The following FGFRL1 variants were observed in gnomAD, a reference collection of about 807,000 sequenced individuals.
FGFRL1 encodes the protein fibroblast growth factor receptor like 1.
In FGFRL1, 24 loss-of-function variants were observed where a neutral mutation model predicts 36.8. That is an observed-to-expected ratio of 0.65 (90% CI 0.47 to 0.92). The LOEUF (loss-of-function observed/expected upper bound fraction) is 0.92, where lower values mean the gene tolerates loss of function less well. Ranked by LOEUF, FGFRL1 falls within the 40% of genes least tolerant of loss-of-function variation. FGFRL1 has a pLI of 0.00. For missense variants in FGFRL1, 785 were observed against 753.4 expected (o/e 1.04, Z -0.49); for synonymous variants, 422 against 344.1 (o/e 1.23, Z -2.50).
intron 2 of FGFRL1, among the ~76,000 whole-genome samples, chr4:1,013,438 C>G (rs1239481992): frequency 6.6e-6 from 1 of 152,256 alleles, no homozygotes; most frequent in Non-Finnish European, 1.5e-5. Flanking sequence ...CCCTGCCGCC[C>G]AGCAAGCGCG....
chr4:1,020,143 G>A (rs778749844), intron 2 of FGFRL1, among the ~76,000 whole-genome samples: 11 of 152,236 alleles, frequency 7.2e-5, no homozygotes, highest in Non-Finnish European at 1.5e-4. Context: ...AGTGGGAGAC[G>A]TCACAGGGCC....
upstream of FGFRL1, chr4:1,011,215 G>T (rs924793907): frequency 6.6e-6 from 1 of 152,268 alleles, no homozygotes; most frequent in Non-Finnish European, 1.5e-5. Context: ...TCAGACTGCC[G>T]CGGGCAGGGC....
chr4:1,013,651 G>T (rs1055524026), intron 2 of FGFRL1, among the ~76,000 whole-genome samples: 1 of 152,272 alleles, frequency 6.6e-6, no homozygotes, highest in Admixed American at 6.5e-5. Context: ...ATGGCCAGCG[G>T]CCTGGACTTG....
rs1716515586 is a variant in FGFRL1, at chr4:1,026,104, A to C, written c.*757A>C. 1 of 155,324 alleles carries C rather than the reference A, an allele frequency of 6.4e-6. No homozygotes were observed. Among genetic ancestry groups the C allele is most frequent in the African/African-American group, 2.4e-5 (1 of 41,272 alleles). The allele number at this position is 155,324 out of a possible 1,614,324, so 9.6% of individuals were successfully genotyped here. A position where few individuals can be genotyped will look rare whatever the true frequency, so the allele number is the denominator to read the frequency against. On this transcript the variant is annotated 3_prime_UTR_variant, in exon 7 of 7. Transcript: ENST00000510644. ...GCACGCAGATATGCTGCCTGGACAC[A>C]CACACAGATAATGCTGCCTCAACAC...
chr4:1,010,725 C>T (rs1486331488), upstream of FGFRL1, among the ~76,000 whole-genome samples: 2 of 152,064 alleles, frequency 1.3e-5, no homozygotes, highest in African/African-American at 4.8e-5. Flanking sequence ...GAGGTGCGGC[C>T]TGGGAGCCCT....
Position 1,022,427 on chromosome 4 carries a change from A to G in FGFRL1, c.304A>G (p.Thr102Ala), listed in dbSNP as rs1716240836. 6.2e-7 allele frequency: 1 copy of G among 1,610,792 alleles called. No individual in the cohort carries two copies. The highest frequency in any genetic ancestry group is 8.5e-7 in the Non-Finnish European group (1 of 1,178,838). The stretch of plus-strand genomic sequence containing the variant: ...TGCCGGCGTGTACGTGTGCAAGGCC[A>G]CCAACGGCTTCGGCAGCCTGAGCGT... ...EDAGVYVCKA[T>A]NGFGSLSVNY... Residue 102 changes from threonine to alanine, a missense_variant, in exon 3 of 7, where the codon ACC (threonine) becomes GCC (alanine). Physicochemically the swap from Thr to Ala is moderately conservative, Grantham distance 58 (BLOSUM62 0). Coordinates refer to ENST00000510644, the MANE Select transcript of FGFRL1 (RefSeq NM_001004356.3).
chr4:1,020,181 G>A (rs1022618787), intron 2 of FGFRL1, among the ~76,000 whole-genome samples: 1 of 152,178 alleles, frequency 6.6e-6, no homozygotes, highest in African/African-American at 2.4e-5. Context: ...GGAGGAACAC[G>A]CGGCCCCAGG....
In FGFRL1 at chr4:1,025,428, AG is replaced by A; in HGVS notation, c.*83del. 6.8e-7 allele frequency: 1 copy of A among 1,477,312 alleles called. No homozygotes were observed. 91.5% of individuals were successfully genotyped at this position (1,477,312 alleles called of 1,614,324 possible). ...GGATGGAGGACGGAGCTGCAGACGA[AG>A]GCAGGGGACCCATGGCGAGGAGGAA... On this transcript the variant is annotated 3_prime_UTR_variant, in exon 7 of 7. Transcript: ENST00000510644.
intron 2 of FGFRL1, among the ~76,000 whole-genome samples, chr4:1,019,598 C>A (rs1274142924): frequency 6.6e-6 from 1 of 152,198 alleles, no homozygotes; most frequent in Non-Finnish European, 1.5e-5. Context: ...GCAGCCGCTT[C>A]CTCCCCGGGA....
chr4:1,011,490 C>T (rs1332175363), upstream of FGFRL1, among the ~76,000 whole-genome samples: 3 of 107,300 alleles, frequency 2.8e-5, no homozygotes, highest in Non-Finnish European at 5.8e-5. Flanking sequence ...CCCGGCGGGG[C>T]GGGGGCGGTG....
At position 1,026,818 on chromosome 4, in the gene FGFRL1, G is replaced by C. The variant is rs1005500135; in HGVS notation, c.*1471G>C. On this transcript the variant is annotated 3_prime_UTR_variant, in exon 7 of 7. Transcript: ENST00000510644. ...ACTGTCGTGGTGGCCCCAGATCTCT[G>C]TAATTTTATGTAGAGTTTGAGCTGA... is the stretch of plus-strand genomic sequence containing the variant. 1 of 455,376 alleles carries C rather than the reference G, an allele frequency of 2.2e-6. No homozygotes were observed. Among genetic ancestry groups the C allele is most frequent in the Non-Finnish European group, 4.4e-6 (1 of 226,382 alleles). The allele number at this position is 455,376 out of a possible 1,614,324, so 28.2% of individuals were successfully genotyped here.
At position 1,026,690 on chromosome 4, in the gene FGFRL1, G is replaced by T; in HGVS notation, c.*1343G>T. 3.0e-6 allele frequency: 1 copy of T among 336,032 alleles called. No individual in the cohort carries two copies. The highest frequency in any genetic ancestry group is 2.3e-5 in the South Asian group (1 of 43,148). The allele number at this position is 336,032 out of a possible 1,614,324, so 20.8% of individuals were successfully genotyped here. On this transcript the variant is annotated 3_prime_UTR_variant, in exon 7 of 7. Coordinates refer to ENST00000510644, the MANE Select transcript of FGFRL1 (RefSeq NM_001004356.3). ...TATTAATAATGATGGAAGGAAGACT[G>T]GGTTGCAGGGACTGTGGTCTCTCCT...
chr4:1,012,010 G>A (rs1448129471), intron 1 of FGFRL1, 56 bp downstream of exon 1: 3 of 146,382 alleles, frequency 2.0e-5, no homozygotes, highest in African/African-American at 4.9e-5. Flanking sequence ...GGGAGGGCGG[G>A]GGTCCGGGGC....
intron 2 of FGFRL1, among the ~76,000 whole-genome samples, chr4:1,021,576 G>T (rs1056695777): frequency 1.3e-5 from 2 of 152,172 alleles, no homozygotes; most frequent in Admixed American, 1.3e-4. Flanking sequence ...CACAGACGTG[G>T]GTGCTGCACA....
chr4:1,013,561 C>G (rs1329736132), intron 2 of FGFRL1, among the ~76,000 whole-genome samples: 1 of 152,264 alleles, frequency 6.6e-6, no homozygotes, highest in East Asian at 1.9e-4. Flanking sequence ...CCACATGGGC[C>G]TGGCTGAGCG....
rs1373840620 is a variant in FGFRL1 at position 1,023,787 on chromosome 4, C to T, written c.434-30C>T. The T allele has an allele frequency of 3.2e-6, 5 of 1,564,302 alleles. No homozygotes were observed. In the East Asian group the frequency reaches 1.2e-4, roughly 36 times the overall value. On this transcript the variant is annotated intron_variant, in intron 4 of 6. Coordinates refer to ENST00000510644, the MANE Select transcript of FGFRL1 (RefSeq NM_001004356.3). The surrounding 1 kb of genome is among the most constrained non-coding windows in gnomAD (Gnocchi z 6.0). ...CCGGCCCCTTGGCTGCATCCCCGTC[C>T]TCTGACCTCCACGCCACCCCACCCC... is the stretch of plus-strand genomic sequence containing the variant.
In FGFRL1 at chr4:1,011,635, A is replaced by C. The variant is rs1715586943; in HGVS notation, c.-336A>C. ...CGGCGCTCGCTCCGGGAGAGTTGAC[A>C]AAGCCCCGCAGGGAAGGACGCCTCG... On this transcript the variant is annotated 5_prime_UTR_variant, in exon 1 of 7. Coordinates refer to ENST00000510644, the MANE Select transcript of FGFRL1 (RefSeq NM_001004356.3). Among the ~76,000 whole-genome samples the C allele has an allele frequency of 7.3e-6, 1 of 137,026 alleles. No homozygotes were observed. The highest frequency in any genetic ancestry group is 2.6e-4 in the South Asian group (1 of 3,822). The allele number at this position is 137,026 out of a possible 152,430, so 89.9% of individuals were successfully genotyped here. A position where few individuals can be genotyped will look rare whatever the true frequency, so the allele number is the denominator to read the frequency against.
rs1716570568 is a variant in FGFRL1 at position 1,026,895 on chromosome 4, T to G, written c.*1548T>G. 2.2e-6 allele frequency: 1 copy of G among 447,434 alleles called. No homozygotes were observed. 27.7% of individuals were successfully genotyped at this position (447,434 alleles called of 1,614,324 possible). A position where few individuals can be genotyped will look rare whatever the true frequency, so the allele number is the denominator to read the frequency against. ...TAAACATGAAAGTGCATCCTTTCCC[T>G]CCAGGCTGGTGTTTCTGCCCATGTC... is the stretch of plus-strand genomic sequence containing the variant. On this transcript the variant is annotated 3_prime_UTR_variant, in exon 7 of 7. Transcript: ENST00000510644.
chr4:1,025,548 A>T lies in FGFRL1; in HGVS notation c.*201A>T. The T allele has an allele frequency of 1.5e-6, 1 of 663,634 alleles. No homozygotes were observed. The highest frequency in any genetic ancestry group is 2.5e-6 in the Non-Finnish European group (1 of 395,798). 41.1% of individuals were successfully genotyped at this position (663,634 alleles called of 1,614,324 possible). A position where few individuals can be genotyped will look rare whatever the true frequency, so the allele number is the denominator to read the frequency against. ...TGCCTGGATGCATGTATGCACACAC[A>T]TGCGCGCACACGTGCTCCCTGAAGG... is the stretch of plus-strand genomic sequence containing the variant. On this transcript the variant is annotated 3_prime_UTR_variant, in exon 7 of 7. Coordinates refer to ENST00000510644, the MANE Select transcript of FGFRL1 (RefSeq NM_001004356.3).
Sources: gnomAD v4.1 joint callset for allele counts (sites outside exome capture counted in the v4.1 genomes callset) on GRCh38, gnomAD v4.1.1 for gene constraint, Gnocchi (gnomAD v3.1) non-coding constraint, MANE v1.5 for transcripts, NCBI Gene and HGNC (gene_info 2026-07-23, HGNC 2026-07-21) for gene names.